Variants in PLEKHB2 observed in about 807,000 individuals in gnomAD.
PLEKHB2 encodes the protein pleckstrin homology domain-containing family B member 2.
PLEKHB2 carries 31 observed loss-of-function variants against 36.5 expected under a neutral mutation model. The observed-to-expected ratio is 0.85, with a 90% CI of 0.64 to 1.15. PLEKHB2 has a LOEUF of 1.15. PLEKHB2 is among the 50% of genes most tolerant of loss of function. The pLI is 0.00. For synonymous variants in PLEKHB2, 119 were observed against 112.0 expected (o/e 1.06, Z -0.39); for missense variants, 262 against 295.3 (o/e 0.89, Z 0.83).
intron 1 of PLEKHB2, among the ~76,000 whole-genome samples, chr2:131,112,650 T>C (rs532738294): frequency 2.6e-5 from 4 of 152,048 alleles, no homozygotes; most frequent in African/African-American, 7.3e-5. Context: ...CATAAACTAT[T>C]GGTTGGCTGT....
chr2:131,138,964 G>A (rs1345708694), intron 6 of PLEKHB2, among the ~76,000 whole-genome samples: 1 of 152,190 alleles, frequency 6.6e-6, no homozygotes, highest in Non-Finnish European at 1.5e-5. Context: ...AGGCCCGGCA[G>A]TGCCTTGCTA....
At chr2:131,106,875 A>G (rs1345553137) in intron 1 of PLEKHB2, among the ~76,000 whole-genome samples, 1 of 152,200 alleles carries the variant, frequency 6.6e-6, no homozygotes. Flanking sequence ...GGCTGCAGAA[A>G]AGAACTCAGA....
In PLEKHB2 at chr2:131,126,615, C is replaced by T. The variant is rs571938296; in HGVS notation, c.191-69C>T. 28 of 860,734 alleles carry T rather than the reference C, an allele frequency of 3.3e-5. No homozygotes were observed. In the African/African-American group the frequency reaches 4.4e-4, roughly 13 times the overall value. The allele number at this position is 860,734 out of a possible 1,614,324, so 53.3% of individuals were successfully genotyped here. On this transcript the variant is annotated intron_variant, in intron 3 of 7. Coordinates refer to ENST00000693505, the MANE Select transcript of PLEKHB2 (RefSeq NM_001100623.2). ...TTGTCTAGTCCTTTGCTTCTCTGAGCTGGTAGTTCTTAGAAAATGTAAGAA... is the reference window on the plus strand; with the variant it reads ...TTGTCTAGTCCTTTGCTTCTCTGAGTTGGTAGTTCTTAGAAAATGTAAGAA...
At chr2:131,117,906 A>T (rs551413184) in intron 1 of PLEKHB2, among the ~76,000 whole-genome samples, 60 of 152,346 alleles carry the variant, frequency 3.9e-4, no homozygotes, top group African/African-American at 1.4e-3. Context: ...GTGTTCTAAG[A>T]ATATTTAATG....
At chr2:131,114,668 T>C (rs1695674277) in intron 1 of PLEKHB2, among the ~76,000 whole-genome samples, 3 of 152,200 alleles carry the variant, frequency 2.0e-5, no homozygotes, top group African/African-American at 7.2e-5. Context: ...CACAGATCTC[T>C]AGGACAGGGA....
At chr2:131,131,378 C>A (rs1357576054) in intron 5 of PLEKHB2, among the ~76,000 whole-genome samples, 2 of 152,212 alleles carry the variant, frequency 1.3e-5, no homozygotes, top group African/African-American at 2.4e-5. Context: ...CCTTTTCACG[C>A]ATGGGAGCTC....
intron 4 of PLEKHB2, among the ~76,000 whole-genome samples, chr2:131,129,762 C>T (rs116411551): frequency 0.02 from 3,059 of 152,218 alleles, 109 homozygotes; most frequent in African/African-American, 0.07. Flanking sequence ...CTTGACCTCC[C>T]GAAGTGCTGG....
intron 1 of PLEKHB2, among the ~76,000 whole-genome samples, chr2:131,117,664 G>T (rs1370297092): frequency 1.3e-5 from 2 of 152,122 alleles, no homozygotes; most frequent in African/African-American, 4.8e-5. Flanking sequence ...GCAGGAAGCT[G>T]TAGTATGAAT....
intron 2 of PLEKHB2, among the ~76,000 whole-genome samples, chr2:131,123,633 TC>T (rs1403467011): frequency 6.6e-6 from 1 of 152,172 alleles, no homozygotes; most frequent in African/African-American, 2.4e-5. Context: ...CAAGCAATTT[TC>T]CTGCTTCAGC....
At chr2:131,136,732 C>CTT (rs1357757353) in intron 6 of PLEKHB2, among the ~76,000 whole-genome samples, 1 of 151,380 alleles carries the variant, frequency 6.6e-6, no homozygotes, top group African/African-American at 2.4e-5. Context: ...TTTTTTTGTA[C>CTT]TTTGTTTTGT....
At chr2:131,111,048 A>T (rs1320126622) in intron 1 of PLEKHB2, among the ~76,000 whole-genome samples, 2 of 152,088 alleles carry the variant, frequency 1.3e-5, no homozygotes, top group African/African-American at 4.8e-5. Context: ...TGTGATGCCC[A>T]GGCTGGAATG....
chr2:131,130,395 T>C (rs1697560363), intron 4 of PLEKHB2, among the ~76,000 whole-genome samples: 1 of 152,210 alleles, frequency 6.6e-6, no homozygotes, highest in Non-Finnish European at 1.5e-5. Flanking sequence ...TTTTTACTCA[T>C]ATCGTGGAAT....
chr2:131,131,695 CACA>C (rs1469623065), intron 5 of PLEKHB2, among the ~76,000 whole-genome samples: 2 of 151,134 alleles, frequency 1.3e-5, no homozygotes, highest in South Asian at 2.1e-4. Flanking sequence ...TTTGTTAGCA[CACA>C]ACAACTTCAT....
chr2:131,133,977 A>G (rs373929398), intron 6 of PLEKHB2, among the ~76,000 whole-genome samples: 54 of 148,796 alleles, frequency 3.6e-4, no homozygotes, highest in African/African-American at 1.2e-3. Flanking sequence ...TCGGCTCACT[A>G]AAAGCTCCGC....
chr2:131,127,824 G>A (rs764079812), intron 4 of PLEKHB2, among the ~76,000 whole-genome samples: 3 of 152,214 alleles, frequency 2.0e-5, no homozygotes, highest in Non-Finnish European at 4.4e-5. Context: ...CTGATTAAGT[G>A]TAAGTTACTT....
intron 7 of PLEKHB2, among the ~76,000 whole-genome samples, chr2:131,145,946 G>A (rs1293613601): frequency 2.0e-5 from 3 of 151,664 alleles, no homozygotes; most frequent in Non-Finnish European, 4.4e-5. Flanking sequence ...ACTTTGGGAG[G>A]CCGACGCGGG....
At position 131,125,863 on chromosome 2, in the gene PLEKHB2, C is replaced by T; in HGVS notation, c.148C>T (p.Pro50Ser). 1 of 1,613,602 alleles carries T rather than the reference C, an allele frequency of 6.2e-7. No homozygotes were observed. The highest frequency in any genetic ancestry group is 1.7e-5 in the Admixed American group (1 of 59,998). Residue 50 changes from proline (P) to serine (S), a missense_variant, in exon 3 of 8, where the codon CCA becomes TCA. Coordinates refer to ENST00000693505, the MANE Select transcript of PLEKHB2 (RefSeq NM_001100623.2). ...RQNIEDKVHM[P>S]MDCINIRTGQ... is the part of the protein sequence containing the mutation. ...GAATATCGAGGATAAGGTCCACATGCCAATGGACTGCATCAACATCCGCAC... is the reference window on the plus strand; with the variant it reads ...GAATATCGAGGATAAGGTCCACATGTCAATGGACTGCATCAACATCCGCAC...
At chr2:131,134,548 C>T (rs1002777464) in intron 6 of PLEKHB2, among the ~76,000 whole-genome samples, 2 of 152,068 alleles carry the variant, frequency 1.3e-5, no homozygotes, top group Non-Finnish European at 2.9e-5. Context: ...GTATCTCTTT[C>T]TGAGGTCTGT....
intron 2 of PLEKHB2, 44 bp from the exon 3 acceptor site, chr2:131,125,709 G>T: frequency 5.4e-6 from 8 of 1,495,204 alleles, no homozygotes; most frequent in Non-Finnish European, 7.2e-6. Context: ...TAGTAAGACT[G>T]TCTCTAAAAA....
Sources: allele counts gnomAD v4.1 joint callset (sites outside exome capture counted in the v4.1 genomes callset), GRCh38; gene constraint gnomAD v4.1.1; transcripts MANE v1.5; gene names NCBI Gene and HGNC (gene_info 2026-07-23, HGNC 2026-07-21).